TMTC1: variants seen among roughly 807,000 people sequenced by gnomAD.
TMTC1 encodes the protein protein O-mannosyl-transferase TMTC1.
A neutral mutation model predicts 104.8 loss-of-function variants in TMTC1; 73 were observed. The observed-to-expected ratio is 0.70, with a 90% CI of 0.58 to 0.85. TMTC1 has a LOEUF of 0.85. TMTC1 is among the 40% of genes least tolerant of loss of function. The pLI is 0.00. For missense variants in TMTC1, 1,035 were observed against 1,096.1 expected (o/e 0.94, Z 0.79); for synonymous variants, 434 against 428.7 (o/e 1.01, Z -0.15).
chr12:29,624,410 T>C (rs540003478), intron 6 of TMTC1, among the ~76,000 whole-genome samples: 52 of 152,196 alleles, frequency 3.4e-4, no homozygotes, highest in African/African-American at 1.2e-3. Flanking sequence ...AGGCGAAGGC[T>C]TAAAAAGATA....
At chr12:29,597,490 G>A (rs114323176) in intron 7 of TMTC1, among the ~76,000 whole-genome samples, 2,493 of 151,702 alleles carry the variant, frequency 0.016, 77 homozygotes, top group African/African-American at 0.057. Context: ...GGCCACTGTC[G>A]GGCCCTCCAG....
At chr12:29,514,640 G>C (rs1943932704) in intron 15 of TMTC1, 36 bp from the exon 16 acceptor site, 2 of 1,580,204 alleles carry the variant, frequency 1.3e-6, no homozygotes, top group Admixed American at 2.0e-5. Context: ...AATAAATGCA[G>C]ATTAGGTAAA....
At chr12:29,729,068 T>C (rs1464152541) in intron 5 of TMTC1, among the ~76,000 whole-genome samples, 1 of 149,034 alleles carries the variant, frequency 6.7e-6, no homozygotes, top group East Asian at 2.0e-4. Flanking sequence ...AAGCACAGAC[T>C]CTGGAGACAA....
At position 29,774,998 on chromosome 12, in the gene TMTC1, T is replaced by G. The variant is rs192397858; in HGVS notation, c.303-6923A>C. ...GAAAGCTGCCCCATGGGAAGGGAGG[T>G]TATTGTCACTGTTACATTAGTACTA... On this transcript the variant is annotated intron_variant, in intron 1 of 17. Transcript: ENST00000539277. 4.6e-5 allele frequency among the ~76,000 whole-genome samples: 7 copies of G among 151,934 alleles called. No individual in the cohort carries two copies. In the East Asian group the frequency reaches 9.7e-4, roughly 21 times the overall value.
chr12:29,673,100 T>C (rs892927289), intron 5 of TMTC1, among the ~76,000 whole-genome samples: 2 of 152,206 alleles, frequency 1.3e-5, no homozygotes, highest in East Asian at 1.9e-4. Context: ...AAAATCTTAC[T>C]TTGAGAAGAT....
chr12:29,577,913 G>A lies in TMTC1; in HGVS notation c.1418+5494C>T, dbSNP rs138800150. ...AAATCCAGGTAAGCGTATTAGTAAT[G>A]GCTTTAATAATCAAATTTCTATTAA... On this transcript the variant is annotated intron_variant, in intron 8 of 17. Transcript: ENST00000539277. Among the ~76,000 whole-genome samples the A allele has an allele frequency of 3.3e-5, 5 of 152,074 alleles. No individual in the cohort carries two copies. The East Asian group carries it at 9.7e-4, about 29-fold the overall frequency.
At chr12:29,619,917 C>T (rs1034894765) in intron 6 of TMTC1, among the ~76,000 whole-genome samples, 1 of 152,176 alleles carries the variant, frequency 6.6e-6, no homozygotes, top group Admixed American at 6.5e-5. Context: ...GTTAAAGAAG[C>T]TCCCTGTCAC....
chr12:29,514,499 G>A lies in TMTC1; in HGVS notation c.2413C>T (p.Leu805Phe). ...KGNQLREQNL[L>F]DKAFESYRVA... ...GTTTATACCTCAAAAGCTTTGTCGA[G>A]AAGGTTCTGCTCTCTTAATTGGTTT... Residue 805 changes from leucine to phenylalanine, a missense_variant, in exon 16 of 18, where the codon CTC (leucine) becomes TTC (phenylalanine). Transcript: ENST00000539277. 1 of 1,612,848 alleles carries A rather than the reference G, an allele frequency of 6.2e-7. No homozygotes were observed. The highest frequency in any genetic ancestry group is 1.7e-4 in the Middle Eastern group (1 of 6,052).
chr12:29,706,410 T>C (rs760047068), intron 5 of TMTC1, among the ~76,000 whole-genome samples: 19 of 152,208 alleles, frequency 1.2e-4, no homozygotes, highest in Non-Finnish European at 2.6e-4. Flanking sequence ...ATTTTCCTTC[T>C]GCCTAACCAT....
intron 5 of TMTC1, among the ~76,000 whole-genome samples, chr12:29,636,417 G>A (rs552711253): frequency 1.3e-5 from 2 of 152,204 alleles, no homozygotes. Context: ...TGCTCTGCAA[G>A]TTGACCTCAG....
chr12:29,780,836 A>T (rs1943819042), intron 1 of TMTC1, among the ~76,000 whole-genome samples: 1 of 152,220 alleles, frequency 6.6e-6, no homozygotes, highest in Non-Finnish European at 1.5e-5. Context: ...GGGAATGCAC[A>T]ATTACATTAA....
intron 5 of TMTC1, among the ~76,000 whole-genome samples, chr12:29,703,087 T>C (rs1210621526): frequency 6.7e-6 from 1 of 149,336 alleles, no homozygotes; most frequent in Non-Finnish European, 1.5e-5. Flanking sequence ...GAGGTTGCAG[T>C]GAGCCAAGAT....
intron 10 of TMTC1, among the ~76,000 whole-genome samples, 180 bp from the exon 11 acceptor site, chr12:29,536,497 G>A (rs866091688): frequency 6.6e-6 from 1 of 152,140 alleles, no homozygotes; most frequent in Non-Finnish European, 1.5e-5. Flanking sequence ...TTCTGTCTCT[G>A]AATTCTCCAT....
At chr12:29,592,265 C>T (rs1314709623) in intron 7 of TMTC1, among the ~76,000 whole-genome samples, 4 of 152,164 alleles carry the variant, frequency 2.6e-5, no homozygotes, top group African/African-American at 7.2e-5. Flanking sequence ...ATTAGGGTCC[C>T]CATTTCTCCC....
chr12:29,517,874 C>T (rs1268710356), intron 13 of TMTC1, among the ~76,000 whole-genome samples: 2 of 152,034 alleles, frequency 1.3e-5, no homozygotes, highest in East Asian at 1.9e-4. Context: ...GCCATCATGC[C>T]CGGCTAATTT....
At chr12:29,756,632 C>G (rs1033957265) in intron 3 of TMTC1, among the ~76,000 whole-genome samples, 5 of 152,072 alleles carry the variant, frequency 3.3e-5, no homozygotes, top group African/African-American at 1.2e-4. Flanking sequence ...CAAAATCTCT[C>G]CGGTGCTGTT....
chr12:29,742,371 AC>A (rs1231303757), intron 5 of TMTC1, among the ~76,000 whole-genome samples: 1 of 152,172 alleles, frequency 6.6e-6, no homozygotes, highest in Non-Finnish European at 1.5e-5. Flanking sequence ...AGGTTAAATC[AC>A]TAAGGGCAAA....
intron 5 of TMTC1, among the ~76,000 whole-genome samples, chr12:29,747,217 A>G (rs1165441908): frequency 6.6e-6 from 1 of 152,222 alleles, no homozygotes; most frequent in Non-Finnish European, 1.5e-5. Flanking sequence ...TTGTAATGTG[A>G]AAGGGAAAGT....
intron 5 of TMTC1, among the ~76,000 whole-genome samples, chr12:29,666,726 G>A (rs180800033): frequency 2.0e-4 from 30 of 152,278 alleles, no homozygotes; most frequent in Admixed American, 1.2e-3. Context: ...AGTCTTTCCA[G>A]CTGTTCTCAG....
Sources: allele counts gnomAD v4.1 joint callset (sites outside exome capture counted in the v4.1 genomes callset), GRCh38; gene constraint gnomAD v4.1.1; transcripts MANE v1.5; gene names NCBI Gene and HGNC (gene_info 2026-07-23, HGNC 2026-07-21).